The following RCOR1 variants were observed in gnomAD, a reference collection of about 807,000 sequenced individuals.
RCOR1 encodes REST corepressor.
Under a neutral mutation model 64.0 loss-of-function variants are expected in RCOR1, and 12 were observed. That is an observed-to-expected ratio of 0.19 (90% CI 0.12 to 0.30). The LOEUF (loss-of-function observed/expected upper bound fraction) is 0.30, where lower values mean the gene tolerates loss of function less well. Ranked by LOEUF, RCOR1 falls within the 10% of genes least tolerant of loss-of-function variation. The probability of loss-of-function intolerance (pLI) is 1.00; values close to 1 mark genes in which losing one functional copy is unlikely to be tolerated. For missense variants in RCOR1, 502 were observed against 621.2 expected (o/e 0.81, Z 2.04); for synonymous variants, 279 against 227.2 (o/e 1.23, Z -2.05).
intron 2 of RCOR1, among the ~76,000 whole-genome samples, chr14:102,627,095 T>C (rs2403070): frequency 0.63 from 95,226 of 151,924 alleles, 30,924 homozygotes; most frequent in South Asian, 0.72. Flanking sequence ...CCTCCCTTTA[T>C]TTCATTGGGG....
chr14:102,637,346 C>T (rs1036664586), intron 2 of RCOR1, among the ~76,000 whole-genome samples: 1 of 151,964 alleles, frequency 6.6e-6, no homozygotes, highest in Middle Eastern at 3.4e-3. Flanking sequence ...AGGCTGGTCT[C>T]GAACCTCCTG....
chr14:102,638,859 C>T (rs375846818), intron 2 of RCOR1, among the ~76,000 whole-genome samples: 86 of 149,844 alleles, frequency 5.7e-4, no homozygotes, highest in Non-Finnish European at 1.1e-3. Context: ...GACGGGGTTT[C>T]GCCATGCTGG....
At chr14:102,618,452 GAA>G (rs1053460893) in intron 2 of RCOR1, among the ~76,000 whole-genome samples, 5 of 150,220 alleles carry the variant, frequency 3.3e-5, no homozygotes, top group Non-Finnish European at 7.4e-5. Flanking sequence ...TCTTCAGGGG[GAA>G]AAAAAAAGCG....
chr14:102,714,502 C>T lies in RCOR1; in HGVS notation c.938C>T (p.Pro313Leu), dbSNP rs1392192789. The T allele has an allele frequency of 7.4e-6, 12 of 1,613,570 alleles. No individual in the cohort carries two copies. The highest frequency in any genetic ancestry group is 1.0e-5 in the Non-Finnish European group (12 of 1,179,728). ...TQAKNRAKRK[P>L]PKGMFLSQED... The stretch of plus-strand genomic sequence containing the variant: ...GCTAAAAATAGAGCAAAAAGGAAAC[C>T]TCCAAAAGGAATGTTTCTTTCTCAA... The change falls in exon 8 of 12, where the codon CCT (proline) becomes CTT (leucine). Residue 313 changes from proline (P) to leucine (L), a missense_variant. Physicochemically the swap from Pro to Leu is moderately conservative, Grantham distance 98 (BLOSUM62 -3). This residue lies in a region of RCOR1 where 260 missense variants were observed against 416.4 expected (regional missense o/e 0.62). Transcript: ENST00000262241.
intron 11 of RCOR1, among the ~76,000 whole-genome samples, chr14:102,722,842 G>T (rs557365698): frequency 3.9e-5 from 6 of 152,248 alleles, no homozygotes; most frequent in Non-Finnish European, 7.3e-5. Flanking sequence ...CAGCGAGCCA[G>T]CCAGGAGCTC....
chr14:102,622,640 C>G (rs1010588482), intron 2 of RCOR1, among the ~76,000 whole-genome samples: 1 of 152,060 alleles, frequency 6.6e-6, no homozygotes, highest in Non-Finnish European at 1.5e-5. Flanking sequence ...ATTTCCGCCC[C>G]CCGCCCCACA....
rs377744374 is a variant in RCOR1, at chr14:102,625,338, C to T, written c.361+32013C>T. Among the ~76,000 whole-genome samples the T allele has an allele frequency of 1.7e-4, 25 of 146,926 alleles. No individual in the cohort carries two copies. The East Asian group carries it at 3.0e-3, about 18-fold the overall frequency. On this transcript the variant is annotated intron_variant, in intron 2 of 11. Transcript: ENST00000262241. ...GCAACCTCCACCTCCTGGATTCAAG[C>T]GATTCTCCTGCCTCAGCCTCCCGAG...
chr14:102,694,781 C>A (rs1895610750), intron 3 of RCOR1, among the ~76,000 whole-genome samples: 1 of 152,126 alleles, frequency 6.6e-6, no homozygotes, highest in Non-Finnish European at 1.5e-5. Context: ...CATTTTGATT[C>A]TCAGCGAGGT....
rs1566717311 is a variant in RCOR1 at position 102,729,569 on chromosome 14, A to G, written c.*3063A>G. Reference sequence around the variant, plus strand: ...CTCACAAACCTCTATTCAACACACAAAACAAACATGAAAAGGTAGTTAGTT... The same window carrying G: ...CTCACAAACCTCTATTCAACACACAGAACAAACATGAAAAGGTAGTTAGTT... On this transcript the variant is annotated 3_prime_UTR_variant, in exon 12 of 12. Coordinates refer to ENST00000262241, the MANE Select transcript of RCOR1 (RefSeq NM_015156.4). 6.5e-6 allele frequency: 2 copies of G among 307,512 alleles called. No individual in the cohort carries two copies. Among genetic ancestry groups the G allele is most frequent in the East Asian group, 5.2e-5 (1 of 19,298 alleles). 19.0% of individuals were successfully genotyped at this position (307,512 alleles called of 1,614,324 possible).
intron 3 of RCOR1, among the ~76,000 whole-genome samples, chr14:102,693,582 G>C (rs1205188996): frequency 6.6e-6 from 1 of 152,076 alleles, no homozygotes; most frequent in Non-Finnish European, 1.5e-5. Context: ...CCTCTCACAG[G>C]CAGGAGAGCC....
chr14:102,708,005 G>T (rs1469116011), intron 5 of RCOR1, among the ~76,000 whole-genome samples: 9 of 136,374 alleles, frequency 6.6e-5, no homozygotes, highest in Admixed American at 1.5e-4. Context: ...TCACTGTGTC[G>T]CCCAGGCTGG....
At chr14:102,649,943 T>A in intron 2 of RCOR1, 1 of 193,886 alleles carries the variant, frequency 5.2e-6, no homozygotes, top group Non-Finnish European at 9.4e-6. Flanking sequence ...CTCACACCTG[T>A]AATCCCAGCA....
chr14:102,596,896 G>A (rs1402868194), intron 2 of RCOR1, among the ~76,000 whole-genome samples: 1 of 103,788 alleles, frequency 9.6e-6, no homozygotes, highest in Non-Finnish European at 1.9e-5. Flanking sequence ...TTTTTGAGAC[G>A]GAGTCTTGAT....
chr14:102,656,120 T>G (rs1894718157), intron 2 of RCOR1: 1 of 984,258 alleles, frequency 1.0e-6, no homozygotes, highest in Non-Finnish European at 1.2e-6. Context: ...TTGAAATCAC[T>G]TTGCTGAGAT....
At chr14:102,640,194 G>A (rs1894338158) in intron 2 of RCOR1, among the ~76,000 whole-genome samples, 1 of 151,770 alleles carries the variant, frequency 6.6e-6, no homozygotes, top group Non-Finnish European at 1.5e-5. Flanking sequence ...GTGTTGCCCA[G>A]GCTGGTCTTG....
At chr14:102,620,034 A>T (rs1893842180) in intron 2 of RCOR1, among the ~76,000 whole-genome samples, 1 of 152,186 alleles carries the variant, frequency 6.6e-6, no homozygotes, top group East Asian at 1.9e-4. Context: ...GTCTTCCTTT[A>T]AATCATCATG....
chr14:102,679,404 G>A (rs561797413), intron 2 of RCOR1, among the ~76,000 whole-genome samples: 5 of 151,350 alleles, frequency 3.3e-5, no homozygotes, highest in African/African-American at 9.7e-5. Context: ...TTTTGCCTTC[G>A]TGCCTTTATG....
intron 8 of RCOR1, among the ~76,000 whole-genome samples, chr14:102,715,374 A>AT (rs1287326864): frequency 1.4e-5 from 2 of 145,668 alleles, no homozygotes; most frequent in African/African-American, 2.6e-5. Context: ...CCCGGCCCTG[A>AT]TTTTTTTTAA....
At chr14:102,654,114 T>C (rs1348540625) in intron 2 of RCOR1, among the ~76,000 whole-genome samples, 1 of 149,778 alleles carries the variant, frequency 6.7e-6, no homozygotes. Flanking sequence ...GCCTCCCGAG[T>C]AGCTGGGACT....
Sources: allele counts gnomAD v4.1 joint callset (sites outside exome capture counted in the v4.1 genomes callset), GRCh38; gene constraint gnomAD v4.1.1; regional missense constraint gnomAD v4.1.1; transcripts MANE v1.5; gene names NCBI Gene and HGNC (gene_info 2026-07-23, HGNC 2026-07-21).